TMEM165: variants seen among roughly 807,000 people sequenced by gnomAD.
The protein encoded by TMEM165 is transmembrane protein 165.
In TMEM165, 19 loss-of-function variants were observed where a neutral mutation model predicts 30.0. The observed-to-expected ratio is 0.63, with a 90% CI of 0.44 to 0.93. The LOEUF (loss-of-function observed/expected upper bound fraction) is 0.93, where lower values mean the gene tolerates loss of function less well. Ranked by LOEUF, TMEM165 falls within the 40% of genes least tolerant of loss-of-function variation. TMEM165 has a pLI of 0.00. For missense variants in TMEM165, 340 were observed against 417.0 expected (o/e 0.82, Z 1.61); for synonymous variants, 168 against 162.9 (o/e 1.03, Z -0.24).
intron 1 of TMEM165, among the ~76,000 whole-genome samples, chr4:55,407,424 AAAAG>A (rs1276094436): frequency 6.6e-6 from 1 of 152,246 alleles, no homozygotes; most frequent in Non-Finnish European, 1.5e-5. Flanking sequence ...TAATATGAAA[AAAAG>A]AATGTTAAAA....
chr4:55,435,098 G>A, intron 3 of TMEM165: 1 of 366,924 alleles, frequency 2.7e-6, no homozygotes, highest in Non-Finnish European at 5.3e-6. Context: ...GTGCCTTTCT[G>A]ATTCCCTGGA....
chr4:55,442,237 TTTG>T (rs372956233), intron 3 of TMEM165: 89 of 578,450 alleles, frequency 1.5e-4, no homozygotes, highest in African/African-American at 1.4e-3. Context: ...AGAAAAAAAA[TTTG>T]TTGTTACCCT....
intron 3 of TMEM165, chr4:55,443,885 T>C (rs778745529): frequency 3.1e-6 from 5 of 1,612,182 alleles, no homozygotes; most frequent in Non-Finnish European, 3.4e-6. Context: ...GATTTGATTG[T>C]TGCAAAAACA....
At position 55,443,761 on chromosome 4, in the gene TMEM165, C is replaced by T. The variant is rs537613407; in HGVS notation, c.409-8478C>T. 18 of 1,614,034 alleles carry T rather than the reference C, an allele frequency of 1.1e-5. No individual in the cohort carries two copies. Among genetic ancestry groups the T allele is most frequent in the South Asian group, 1.1e-4 (10 of 91,080 alleles). ...GTGCCAATGTGTCCAGTATTCATTC[C>T]ACTTTGAATCTGGTTAGTAGGAACA... On this transcript the variant is annotated intron_variant, in intron 3 of 3. Coordinates refer to the TMEM165 transcript ENST00000608091.
At chr4:55,403,678 G>A (rs530792637) in intron 1 of TMEM165, among the ~76,000 whole-genome samples, 1 of 152,216 alleles carries the variant, frequency 6.6e-6, no homozygotes, top group South Asian at 2.1e-4. Context: ...CAAAACACTA[G>A]TATCTCATTA....
intron 3 of TMEM165, chr4:55,432,899 T>C (rs1282858439): frequency 1.3e-5 from 2 of 152,636 alleles, no homozygotes; most frequent in African/African-American, 2.4e-5. Flanking sequence ...AGTAGGACAA[T>C]GTGAGTAAAC....
rs1165777302 is a variant in TMEM165 at position 55,445,184 on chromosome 4, GAAATGTAATTTAGTA to G, written c.409-7054_409-7040del. 5.3e-4 allele frequency among the ~76,000 whole-genome samples: 37 copies of G among 69,598 alleles called. 11 individuals carry two copies. The highest frequency in any genetic ancestry group is 1.3e-3 in the South Asian group (2 of 1,572). The allele number at this position is 69,598 out of a possible 152,430, so 45.7% of individuals were successfully genotyped here. ...TTCTGAAATCAAAGTTGTGTGCCCT[GAAATGTAATTTAGTA>G]TCCCAAATACAAACTATTGAAGATA... On this transcript the variant is annotated intron_variant, in intron 3 of 3. Coordinates refer to the TMEM165 transcript ENST00000608091.
At chr4:55,408,730 G>A (rs965117156) in intron 1 of TMEM165, among the ~76,000 whole-genome samples, 2 of 152,126 alleles carry the variant, frequency 1.3e-5, no homozygotes, top group African/African-American at 4.8e-5. Context: ...AGACTGTGTA[G>A]CTTTGATCAC....
chr4:55,426,728 A>AAGAG (rs1273418407), downstream of TMEM165, among the ~76,000 whole-genome samples: 3 of 152,220 alleles, frequency 2.0e-5, no homozygotes, highest in African/African-American at 7.2e-5. Flanking sequence ...CTGCAATTTG[A>AAGAG]AGAGATTGTG....
At chr4:55,424,857 T>TTCA in intron 5 of TMEM165, 1 of 521,968 alleles carries the variant, frequency 1.9e-6, no homozygotes, top group Non-Finnish European at 3.4e-6. Flanking sequence ...TTTTATCGAA[T>TTCA]TCATAGTAGC....
At chr4:55,411,394 A>T (rs1391968467) in intron 1 of TMEM165, among the ~76,000 whole-genome samples, 2 of 152,146 alleles carry the variant, frequency 1.3e-5, no homozygotes, top group East Asian at 3.8e-4. Flanking sequence ...CAAAATTCCA[A>T]CTACTTCTGG....
chr4:55,418,100 G>A lies in TMEM165; in HGVS notation c.792+115G>A, dbSNP rs141714939. ...ACAGCATTCCTTCATATGCAAGACT[G>A]TTTTACATCTGATAATTCAGCTGCT... On this transcript the variant is annotated intron_variant, in intron 4 of 5. Transcript: ENST00000381334. 212 of 936,338 alleles carry A rather than the reference G, an allele frequency of 2.3e-4. No individual in the cohort carries two copies. The African/African-American group carries it at 3.4e-3, about 15-fold the overall frequency. 58.0% of individuals were successfully genotyped at this position (936,338 alleles called of 1,614,324 possible).
At position 55,403,339 on chromosome 4, in the gene TMEM165, G is replaced by C. The variant is rs759625785; in HGVS notation, c.207+6943G>C. 319 of 1,261,752 alleles carry C rather than the reference G, an allele frequency of 2.5e-4. 2 individuals carry two copies. Among genetic ancestry groups the C allele is most frequent in the Non-Finnish European group, 3.3e-5 (32 of 972,882 alleles). The allele number at this position is 1,261,752 out of a possible 1,614,324, so 78.2% of individuals were successfully genotyped here. On this transcript the variant is annotated intron_variant, in intron 1 of 5. Coordinates refer to ENST00000381334, the MANE Select transcript of TMEM165 (RefSeq NM_018475.5). ...TGTATAGATGGAGATTCCGATGCAG[G>C]TATCTGTATCAATTTCAATACAGTC... is the stretch of plus-strand genomic sequence containing the variant.
chr4:55,423,103 A>G (rs1487514159), intron 4 of TMEM165: 2 of 151,620 alleles, frequency 1.3e-5, no homozygotes, highest in Non-Finnish European at 2.9e-5. Flanking sequence ...CCACTGCACC[A>G]TTATTTTATT....
chr4:55,425,281 GAAT>G, intron 5 of TMEM165, 92 bp from the exon 6 acceptor site: 2 of 966,162 alleles, frequency 2.1e-6, no homozygotes, highest in Non-Finnish European at 3.2e-6. Context: ...TAGATTGGAA[GAAT>G]AATTGGCCGC....
At chr4:55,444,267 A>T (rs1332190662) in intron 3 of TMEM165, among the ~76,000 whole-genome samples, 1 of 152,210 alleles carries the variant, frequency 6.6e-6, no homozygotes, top group Non-Finnish European at 1.5e-5. Context: ...ACTAATTTGA[A>T]TCATACATAC....
intron 3 of TMEM165, chr4:55,443,991 T>C: frequency 9.0e-7 from 1 of 1,115,366 alleles, no homozygotes; most frequent in South Asian, 1.4e-5. Context: ...AAAGTATGTT[T>C]AAAAAGCAAG....
At position 55,425,961 on chromosome 4, in the gene TMEM165, A is replaced by G. The variant is rs1358095406; in HGVS notation, c.*509A>G. 2.6e-5 allele frequency: 4 copies of G among 152,364 alleles called. No individual in the cohort carries two copies. Among genetic ancestry groups the G allele is most frequent in the Admixed American group, 6.5e-5 (1 of 15,300 alleles). 9.4% of individuals were successfully genotyped at this position (152,364 alleles called of 1,614,324 possible). A position where few individuals can be genotyped will look rare whatever the true frequency, so the allele number is the denominator to read the frequency against. On this transcript the variant is annotated 3_prime_UTR_variant, in exon 6 of 6. Transcript: ENST00000381334. Reference sequence around the variant, plus strand: ...AAGAGACATATATGATATTGCTGTTATATCAATAACATGGCACAACAAGAA... The same window carrying G: ...AAGAGACATATATGATATTGCTGTTGTATCAATAACATGGCACAACAAGAA...
chr4:55,408,509 T>TA (rs1054219728), intron 1 of TMEM165, among the ~76,000 whole-genome samples: 2 of 152,072 alleles, frequency 1.3e-5, no homozygotes, highest in East Asian at 3.8e-4. Flanking sequence ...TTTATATATA[T>TA]AAAAAAACAT....
Sources: gnomAD v4.1 joint callset for allele counts (sites outside exome capture counted in the v4.1 genomes callset) on GRCh38, gnomAD v4.1.1 for gene constraint, MANE v1.5 for transcripts, NCBI Gene and HGNC (gene_info 2026-07-23, HGNC 2026-07-21) for gene names.